TP53INP1: variants seen among roughly 807,000 people sequenced by gnomAD.
TP53INP1 encodes the protein tumor protein p53 inducible nuclear protein 1.
A neutral mutation model predicts 21.0 loss-of-function variants in TP53INP1; 12 were observed. The ratio of observed to expected loss-of-function variants is 0.57; its 90% CI spans 0.37 to 0.93. The LOEUF (loss-of-function observed/expected upper bound fraction) is 0.93, where lower values mean the gene tolerates loss of function less well. TP53INP1 is among the 40% of genes least tolerant of loss of function. TP53INP1 has a pLI of 0.01. For synonymous variants in TP53INP1, 91 were observed against 94.8 expected, an observed-to-expected ratio of 0.96 and a Z score of 0.23; for missense variants, 274 against 294.7, an observed-to-expected ratio of 0.93 and a Z score of 0.51.
rs2131291639 is a variant in TP53INP1, at chr8:94,926,457, A to G, written c.*4022T>C. The G allele has an allele frequency of 6.6e-6, 1 of 152,278 alleles. No individual in the cohort carries two copies. Among genetic ancestry groups the G allele is most frequent in the Middle Eastern group, 3.4e-3 (1 of 294 alleles). The allele number at this position is 152,278 out of a possible 1,614,324, so 9.4% of individuals were successfully genotyped here. On this transcript the variant is annotated 3_prime_UTR_variant, in exon 4 of 4. Coordinates refer to ENST00000342697, the MANE Select transcript of TP53INP1 (RefSeq NM_033285.4). ...AACACACGCAATTATTAAAGTTCAA[A>G]ATCTCTGGAGGAAAATACAAGCAAA...
intron 3 of TP53INP1, among the ~76,000 whole-genome samples, chr8:94,938,657 T>C (rs1411037190): frequency 6.6e-6 from 1 of 152,158 alleles, no homozygotes. Flanking sequence ...AAGACCCCAA[T>C]AGTACTGAGT....
At chr8:94,933,148 G>A (rs1409672281) in intron 3 of TP53INP1, among the ~76,000 whole-genome samples, 1 of 152,138 alleles carries the variant, frequency 6.6e-6, no homozygotes, top group South Asian at 2.1e-4. Context: ...AACCCAGTGC[G>A]GAGGTTGCAG....
In TP53INP1 at chr8:94,946,696, CAAAAAAAAAAAAAAAA is replaced by C. The variant is rs71273438; in HGVS notation, c.-151+2442_-151+2457del. 1.8e-3 allele frequency among the ~76,000 whole-genome samples: 62 copies of C among 34,700 alleles called. 1 individual carries two copies. The highest frequency in any genetic ancestry group is 2.1e-3 in the Admixed American group (4 of 1,950). 22.8% of individuals were successfully genotyped at this position (34,700 alleles called of 152,430 possible). On this transcript the variant is annotated intron_variant, in intron 1 of 3. Transcript: ENST00000342697. ...TGGTCAACAGAGTAAGACCCTGTCT[CAAAAAAAAAAAAAAAA>C]AAAAAAAAGACAGGCCCTGGAGTTT... is the stretch of plus-strand genomic sequence containing the variant.
Position 94,940,984 on chromosome 8 carries a change from C to G in TP53INP1, c.-43G>C. ...GAGTTTGGCTGGATGTCTTTTATAG[C>G]TGAGATTTCAAAACCTTGTCTTTAG... On this transcript the variant is annotated 5_prime_UTR_variant, in exon 2 of 4. Transcript: ENST00000342697. 1.3e-6 allele frequency: 2 copies of G among 1,493,596 alleles called. No individual in the cohort carries two copies. Among genetic ancestry groups the G allele is most frequent in the Non-Finnish European group, 1.9e-6 (2 of 1,079,736 alleles). The allele number at this position is 1,493,596 out of a possible 1,614,324, so 92.5% of individuals were successfully genotyped here. A position where few individuals can be genotyped will look rare whatever the true frequency, so the allele number is the denominator to read the frequency against.
intron 3 of TP53INP1, among the ~76,000 whole-genome samples, chr8:94,938,141 G>A (rs1462827955): frequency 6.6e-6 from 1 of 152,216 alleles, no homozygotes; most frequent in African/African-American, 2.4e-5. Flanking sequence ...ATGCCTGAAA[G>A]GGTGAAGCTA....
chr8:94,926,810 A>C lies in TP53INP1; in HGVS notation c.*3669T>G, dbSNP rs1819937619. Reference sequence around the variant, plus strand: ...GAAATTTAATTGGTCTCAAATTTCAAGTGAAACTGATACATGGCAAGGCTG... The same window carrying C: ...GAAATTTAATTGGTCTCAAATTTCACGTGAAACTGATACATGGCAAGGCTG... On this transcript the variant is annotated 3_prime_UTR_variant, in exon 4 of 4. Transcript: ENST00000342697. 1 of 152,212 alleles carries C rather than the reference A, an allele frequency of 6.6e-6. No individual in the cohort carries two copies. Among genetic ancestry groups the C allele is most frequent in the South Asian group, 2.1e-4 (1 of 4,834 alleles). 9.4% of individuals were successfully genotyped at this position (152,212 alleles called of 1,614,324 possible).
rs368791601 is a variant in TP53INP1, at chr8:94,940,094, C to G, written c.239G>C (p.Ser80Thr). Residue 80 changes from serine (S) to threonine (T), a missense_variant, in exon 3 of 4, where the codon AGT (serine) becomes ACT (threonine). By Grantham distance (58) the Ser-to-Thr change is moderately conservative (BLOSUM62 1). Coordinates refer to ENST00000342697, the MANE Select transcript of TP53INP1 (RefSeq NM_033285.4). ...PASLECLADT[S>T]DSCFLQFESC... ...CTCAAACTGGAGAAAGCAGGAATCA[C>G]TTGTATCAGCCAAGCACTCAAGAGA... 2.5e-6 allele frequency: 4 copies of G among 1,614,104 alleles called. No homozygotes were observed. The highest frequency in any genetic ancestry group is 1.6e-4 in the Middle Eastern group (1 of 6,084).
intron 3 of TP53INP1, among the ~76,000 whole-genome samples, chr8:94,934,930 A>G (rs577788665): frequency 6.6e-6 from 1 of 152,276 alleles, no homozygotes; most frequent in East Asian, 1.9e-4. Context: ...ATCATGTAAC[A>G]TAAGAAAGTT....
intron 1 of TP53INP1, among the ~76,000 whole-genome samples, chr8:94,943,027 G>A (rs893576771): frequency 6.6e-6 from 1 of 152,246 alleles, no homozygotes; most frequent in Non-Finnish European, 1.5e-5. Context: ...CCTGCAGAAA[G>A]TACAGGTTAG....
chr8:94,946,712 A>AAAAAAAAAAAAAAAAAAAC (rs1563736816), intron 1 of TP53INP1, among the ~76,000 whole-genome samples: 1 of 148,312 alleles, frequency 6.7e-6, no homozygotes, highest in Non-Finnish European at 1.5e-5. Context: ...AAAAAAAAAA[A>AAAAAAAAAAAAAAAAAAAC]AAAAAAAAGA....
chr8:94,932,235 T>A, intron 3 of TP53INP1: 1 of 928,166 alleles, frequency 1.1e-6, no homozygotes, highest in African/African-American at 1.6e-5. Context: ...GGCACGTACA[T>A]GTGCTTAAGA....
chr8:94,942,376 C>T (rs1821626850), intron 1 of TP53INP1, among the ~76,000 whole-genome samples: 1 of 152,028 alleles, frequency 6.6e-6, no homozygotes, highest in Admixed American at 6.5e-5. Context: ...TCATCCCAAC[C>T]ACCAAGTCCC....
At position 94,940,211 on chromosome 8, in the gene TP53INP1, G is replaced by A. The variant is rs139289359; in HGVS notation, c.122C>T (p.Thr41Ile). The change falls in exon 3 of 4, where the codon ACT becomes ATT. Residue 41 changes from threonine (T) to isoleucine (I), a missense_variant. Physicochemically the swap from Thr to Ile is moderately conservative, Grantham distance 89. Transcript: ENST00000342697. ...WILVDFIDTC[T>I]GFSAEEEEEE... ...TTCTTCTTCTTCTGCTGAGAAACCA[G>A]TGCAAGTATCTAGATCGTAGTCCAC... The A allele has an allele frequency of 6.5e-5, 105 of 1,609,278 alleles. No individual in the cohort carries two copies. The South Asian group carries it at 9.3e-4, about 14-fold the overall frequency.
Position 94,930,357 on chromosome 8 carries a change from G to C in TP53INP1, c.*122C>G. On this transcript the variant is annotated 3_prime_UTR_variant, in exon 4 of 4. Transcript: ENST00000342697. ...TTTCAAGATAGTGTCTAAATACACT[G>C]ATAAAACTATGTGATTGGTTATCAA... The C allele has an allele frequency of 7.2e-7, 1 of 1,383,216 alleles. No individual in the cohort carries two copies. The highest frequency in any genetic ancestry group is 9.9e-7 in the Non-Finnish European group (1 of 1,005,774). 85.7% of individuals were successfully genotyped at this position (1,383,216 alleles called of 1,614,324 possible).
rs750334220 is a variant in TP53INP1 at position 94,940,227 on chromosome 8, C to G, written c.113-7G>C. 6.3e-7 allele frequency: 1 copy of G among 1,598,688 alleles called. No homozygotes were observed. Among genetic ancestry groups the G allele is most frequent in the Non-Finnish European group, 8.5e-7 (1 of 1,171,716 alleles). ...GAGAAACCAGTGCAAGTATCTAGAT[C>G]GTAGTCCACATTGCAGTCCACATGT... On this transcript the variant is annotated splice_polypyrimidine_tract_variant and splice_region_variant and intron_variant, in intron 2 of 3. Transcript: ENST00000342697.
At chr8:94,932,060 A>G in intron 3 of TP53INP1, 1 of 1,608,642 alleles carries the variant, frequency 6.2e-7, no homozygotes, top group Non-Finnish European at 8.5e-7. Context: ...CTCAAAGTGA[A>G]TATACTTACT....
chr8:94,947,511 G>A (rs967690793), intron 1 of TP53INP1, among the ~76,000 whole-genome samples: 6 of 152,164 alleles, frequency 3.9e-5, no homozygotes, highest in African/African-American at 9.7e-5. Flanking sequence ...AGCCAAGAAA[G>A]TTATCTCTGC....
At chr8:94,947,777 C>G (rs1586762750) in intron 1 of TP53INP1, among the ~76,000 whole-genome samples, 2 of 152,318 alleles carry the variant, frequency 1.3e-5, no homozygotes, top group South Asian at 2.1e-4. Flanking sequence ...TCAGAGGAAG[C>G]AATGGCAGGA....
chr8:94,941,204 C>T (rs575388609), intron 1 of TP53INP1, 113 bp from the exon 2 acceptor site: 47 of 316,536 alleles, frequency 1.5e-4, no homozygotes, highest in African/African-American at 8.3e-4. Context: ...GGCCTACATT[C>T]TACAGCTATT....
Sources: gnomAD v4.1 joint callset for allele counts (sites outside exome capture counted in the v4.1 genomes callset) on GRCh38, gnomAD v4.1.1 for gene constraint, MANE v1.5 for transcripts, NCBI Gene and HGNC (gene_info 2026-07-23, HGNC 2026-07-21) for gene names.